The following RGMA variants were observed in gnomAD, a reference collection of about 807,000 sequenced individuals.
RGMA encodes the protein repulsive guidance molecule BMP co-receptor a.
RGMA carries 10 observed loss-of-function variants against 23.2 expected under a neutral mutation model. The ratio of observed to expected loss-of-function variants is 0.43; its 90% confidence interval spans 0.27 to 0.73. The LOEUF (loss-of-function observed/expected upper bound fraction) is 0.73. Ranked by LOEUF, RGMA falls within the 30% of genes least tolerant of loss-of-function variation. The pLI, the probability that RGMA is intolerant of heterozygous loss-of-function variation, is 0.20. For synonymous variants in RGMA, 308 were observed against 279.3 expected, an observed-to-expected ratio of 1.10 and a Z score of -1.03; for missense variants, 547 against 630.5, an observed-to-expected ratio of 0.87 and a Z score of 1.42.
rs1895686285 is a variant in RGMA at position 93,088,856 on chromosome 15, A to T, written c.14+63T>A. 1.3e-5 allele frequency: 19 copies of T among 1,419,872 alleles called. No homozygotes were observed. The South Asian group carries it at 2.1e-4, about 16-fold the overall frequency. 88.0% of individuals were successfully genotyped at this position (1,419,872 alleles called of 1,614,324 possible). A position where few individuals can be genotyped will look rare whatever the true frequency, so the allele number is the denominator to read the frequency against. On this transcript the variant is annotated intron_variant, in intron 1 of 3. Coordinates refer to ENST00000329082, the MANE Select transcript of RGMA (RefSeq NM_020211.3). ...ACCAAAGCAGCGCCGTGGCCCCGGC[A>T]TGTGTCGGCGGCGCCTCGGAGATGT...
rs2054674615 is a variant in RGMA, at chr15:93,037,546, G to C, written c.*7452C>G. The C allele has an allele frequency of 6.6e-6, 1 of 152,228 alleles. No homozygotes were observed. The highest frequency in any genetic ancestry group is 2.4e-5 in the African/African-American group (1 of 41,442). 9.4% of individuals were successfully genotyped at this position (152,228 alleles called of 1,614,324 possible). A position where few individuals can be genotyped will look rare whatever the true frequency, so the allele number is the denominator to read the frequency against. On this transcript the variant is annotated 3_prime_UTR_variant, in exon 4 of 4. Coordinates refer to ENST00000329082, the MANE Select transcript of RGMA (RefSeq NM_020211.3). This position sits in a 1 kb window ranked among gnomAD's most constrained non-coding sequence, Gnocchi z 4.3. ...TGCCTTATGTCCTTTACAGTCCTGC[G>C]GTCAGCATGGCCCCGAGCCAGCTCA...
rs761569308 is a variant in RGMA, at chr15:93,045,320, G to A, written c.1031C>T (p.Ala344Val). 1.1e-5 allele frequency: 17 copies of A among 1,611,950 alleles called. No individual in the cohort carries two copies. The East Asian group carries it at 1.6e-4, about 15-fold the overall frequency. The part of the protein sequence containing the change: ...AEGTGARRLA[A>V]ASPAPTAPET... The stretch of plus-strand genomic sequence containing the variant: ...GGGGGCTGTGGGTGCAGGGCTGGCG[G>A]CTGCCAGCCTGCGGGCACCGGTGCC... Residue 344 changes from alanine to valine, a missense_variant, in exon 4 of 4, where the codon GCC becomes GTC. Ala to Val is a moderately conservative substitution (Grantham distance 64). This residue lies in a region of RGMA where 205 missense variants were observed against 204.1 expected (regional missense o/e 1.00). Coordinates refer to ENST00000329082, the MANE Select transcript of RGMA (RefSeq NM_020211.3). This position sits in a 1 kb window ranked among gnomAD's most constrained non-coding sequence, Gnocchi z 6.9.
intron 1 of RGMA, among the ~76,000 whole-genome samples, chr15:93,081,236 C>T (rs993073701): frequency 1.3e-5 from 2 of 152,110 alleles, no homozygotes; most frequent in African/African-American, 2.4e-5. Context: ...TCCAGGGATC[C>T]GGTGAATAGA....
At chr15:93,069,405 T>C (rs1881836) in intron 2 of RGMA, among the ~76,000 whole-genome samples, 81,409 of 152,044 alleles carry the variant, frequency 0.54, 22,603 homozygotes, top group East Asian at 0.94. Flanking sequence ...CCACCGCGCC[T>C]GGCCGATGCA....
At chr15:93,077,240 G>A (rs1895486991) in intron 1 of RGMA, among the ~76,000 whole-genome samples, 2 of 152,216 alleles carry the variant, frequency 1.3e-5, no homozygotes, top group Non-Finnish European at 1.5e-5. Flanking sequence ...AAGAAGGGGA[G>A]GGATTTATTC....
intron 2 of RGMA, among the ~76,000 whole-genome samples, chr15:93,072,675 C>T (rs1479557608): frequency 6.6e-6 from 1 of 152,154 alleles, no homozygotes; most frequent in African/African-American, 2.4e-5. Context: ...CCGGCCCCTG[C>T]GCCCTCCCCA....
intron 3 of RGMA, among the ~76,000 whole-genome samples, chr15:93,051,639 G>C (rs992547673): frequency 6.6e-6 from 1 of 152,204 alleles, no homozygotes; most frequent in Non-Finnish European, 1.5e-5. Flanking sequence ...CAGTGGCCTC[G>C]TGGGGCCGCT....
chr15:93,074,615 A>G (rs1290908302), intron 1 of RGMA, among the ~76,000 whole-genome samples: 1 of 152,208 alleles, frequency 6.6e-6, no homozygotes, highest in Non-Finnish European at 1.5e-5. Flanking sequence ...GACAAGCTCT[A>G]AATATTTTTC....
At chr15:93,047,430 G>A (rs2054841410) in intron 3 of RGMA, among the ~76,000 whole-genome samples, 1 of 152,150 alleles carries the variant, frequency 6.6e-6, no homozygotes, top group African/African-American at 2.4e-5. Context: ...AGGGAGGTGG[G>A]GCAAAGGGGA....
At chr15:93,073,222 A>G (rs1300020712) in intron 1 of RGMA, 191 bp from the exon 2 acceptor site, 6 of 1,085,746 alleles carry the variant, frequency 5.5e-6, no homozygotes, top group Non-Finnish European at 2.3e-6. Flanking sequence ...TTCTCCGCCA[A>G]TGTCGACGCG....
Position 93,052,087 on chromosome 15 carries a change from T to A in RGMA, c.551A>T (p.Gln184Leu), listed in dbSNP as rs1469937855. The A allele has an allele frequency of 6.2e-7, 1 of 1,613,564 alleles. No homozygotes were observed. Among genetic ancestry groups the A allele is most frequent in the Admixed American group, 1.7e-5 (1 of 59,950 alleles). Residue 184 changes from glutamine to leucine, a missense_variant, in exon 3 of 4, where the codon CAG becomes CTG. Around this residue, in one of 3 missense-constraint regions of RGMA, gnomAD observed 128 missense variants for 191.7 expected, o/e 0.67. Coordinates refer to ENST00000329082, the MANE Select transcript of RGMA (RefSeq NM_020211.3). ...ATTGTCGATGAGCGGCCAGGCGCCCTGCACCTTGCAGGTCTGGAAGCGGTC... is the reference window on the plus strand; with the variant it reads ...ATTGTCGATGAGCGGCCAGGCGCCCAGCACCTTGCAGGTCTGGAAGCGGTC... ...FTDRFQTCKVQGAWPLIDNNY... is the reference protein window; with the variant it reads ...FTDRFQTCKVLGAWPLIDNNY...
chr15:93,071,805 T>A (rs1050505971), intron 2 of RGMA, among the ~76,000 whole-genome samples: 4 of 152,192 alleles, frequency 2.6e-5, no homozygotes, highest in African/African-American at 9.7e-5. Context: ...CAAAGCTCAG[T>A]AGTGCGCGGG....
intron 1 of RGMA, among the ~76,000 whole-genome samples, chr15:93,086,340 G>C (rs1009620296): frequency 2.6e-5 from 4 of 152,174 alleles, no homozygotes; most frequent in Non-Finnish European, 5.9e-5. Context: ...ATCCTTCTAT[G>C]TTTTTGCTCA....
intron 1 of RGMA, chr15:93,074,051 T>C (rs1895428002): frequency 7.4e-7 from 1 of 1,354,326 alleles, no homozygotes; most frequent in African/African-American, 1.5e-5. Context: ...CAAGGTTCCC[T>C]GGGCCCTGCA....
chr15:93,073,499 A>C, intron 1 of RGMA: 1 of 1,316,732 alleles, frequency 7.6e-7, no homozygotes, highest in Non-Finnish European at 1.0e-6. Flanking sequence ...ACGCCCCCTT[A>C]ATCCCCTCCA....
At chr15:93,086,316 G>A (rs549485189) in intron 1 of RGMA, among the ~76,000 whole-genome samples, 3 of 152,152 alleles carry the variant, frequency 2.0e-5, no homozygotes, top group Non-Finnish European at 4.4e-5. Context: ...ATTTGCCTGC[G>A]CTGCTTTCAG....
chr15:93,077,764 A>G (rs1895495896), intron 1 of RGMA, among the ~76,000 whole-genome samples: 1 of 152,220 alleles, frequency 6.6e-6, no homozygotes, highest in Non-Finnish European at 1.5e-5. Context: ...CTGGAGCGCA[A>G]TGGTGCGACC....
At chr15:93,051,339 G>A (rs1348779414) in intron 3 of RGMA, among the ~76,000 whole-genome samples, 2 of 152,230 alleles carry the variant, frequency 1.3e-5, no homozygotes, top group African/African-American at 4.8e-5. Flanking sequence ...TCGCCAAGCT[G>A]GAAACCCCAG....
chr15:93,052,552 A>C (rs1213322552), intron 2 of RGMA, 45 bp from the exon 3 acceptor site: 1 of 1,503,440 alleles, frequency 6.7e-7, no homozygotes, highest in Admixed American at 2.0e-5. Context: ...CAGCCTGGCA[A>C]CCCCAGCTTC....
Sources: gnomAD v4.1 joint callset for allele counts (sites outside exome capture counted in the v4.1 genomes callset) on GRCh38, gnomAD v4.1.1 for gene constraint, gnomAD v4.1.1 regional missense constraint, Gnocchi (gnomAD v3.1) non-coding constraint, MANE v1.5 for transcripts, NCBI Gene and HGNC (gene_info 2026-07-23, HGNC 2026-07-21) for gene names.